RABGAP1L: variants seen among roughly 807,000 people sequenced by gnomAD.
The protein encoded by RABGAP1L is RAB GTPase activating protein 1 like, also known as rab GTPase-activating protein 1-like.
RABGAP1L carries 63 observed loss-of-function variants against 137.7 expected under a neutral mutation model. The ratio of observed to expected loss-of-function variants is 0.46; its 90% CI spans 0.37 to 0.56. The LOEUF is 0.56. Among genes scored for constraint, RABGAP1L ranks in the 20% least tolerant of loss-of-function variants. RABGAP1L has a pLI of 0.00. For synonymous variants in RABGAP1L, 431 were observed against 433.7 expected (o/e 0.99, Z 0.08); for missense variants, 1,095 against 1,244.0 (o/e 0.88, Z 1.80).
chr1:174,309,388 A>G (rs985528777), intron 11 of RABGAP1L, among the ~76,000 whole-genome samples: 2 of 152,000 alleles, frequency 1.3e-5, no homozygotes, highest in African/African-American at 4.8e-5. Context: ...ACTCATTACT[A>G]TTTTGAATAG....
At chr1:174,580,721 G>A (rs984472006) in intron 13 of RABGAP1L, among the ~76,000 whole-genome samples, 1 of 152,110 alleles carries the variant, frequency 6.6e-6, no homozygotes, top group Admixed American at 6.5e-5. Context: ...CATGGCACAT[G>A]TATACATATG....
chr1:174,423,051 A>G (rs771010047), intron 13 of RABGAP1L, among the ~76,000 whole-genome samples: 1 of 152,008 alleles, frequency 6.6e-6, no homozygotes. Context: ...CATAAATATA[A>G]TTTCATTTAA....
chr1:174,843,237 T>C (rs1693624275), intron 19 of RABGAP1L, among the ~76,000 whole-genome samples: 1 of 151,682 alleles, frequency 6.6e-6, no homozygotes, highest in Non-Finnish European at 1.5e-5. Flanking sequence ...TTTTTTTTTT[T>C]TTTTTATACT....
chr1:174,622,818 A>C (rs1223235234), intron 13 of RABGAP1L, among the ~76,000 whole-genome samples: 2 of 152,258 alleles, frequency 1.3e-5, no homozygotes, highest in Non-Finnish European at 2.9e-5. Context: ...ACTAACCTGC[A>C]CGTTGTGCAC....
At chr1:174,883,458 G>C (rs533268008) in intron 19 of RABGAP1L, among the ~76,000 whole-genome samples, 1 of 152,280 alleles carries the variant, frequency 6.6e-6, no homozygotes, top group South Asian at 2.1e-4. Context: ...TGAACTAGTT[G>C]GGTTACCCTG....
At chr1:174,211,128 A>G (rs1445803987) in intron 1 of RABGAP1L, among the ~76,000 whole-genome samples, 4 of 152,204 alleles carry the variant, frequency 2.6e-5, no homozygotes, top group Non-Finnish European at 4.4e-5. Flanking sequence ...GTTAATGAGC[A>G]TTAAGAAATT....
chr1:174,973,665 G>A (rs1011396170), intron 21 of RABGAP1L, among the ~76,000 whole-genome samples: 4 of 151,966 alleles, frequency 2.6e-5, no homozygotes, highest in Admixed American at 6.5e-5. Flanking sequence ...GATTACAGGC[G>A]TGAGCCACCG....
Position 174,448,297 on chromosome 1 carries a change from CT to C in RABGAP1L, c.1710+54155del. 6.2e-7 allele frequency: 1 copy of C among 1,613,096 alleles called. No individual in the cohort carries two copies. ...TCATTGCTGGGAATCTAACAGTTATCTTTGTCTTTCATTGTGCTCCACTGTT... is the reference window on the plus strand; with the variant it reads ...TCATTGCTGGGAATCTAACAGTTATCTTGTCTTTCATTGTGCTCCACTGTT... On this transcript the variant is annotated intron_variant, in intron 13 of 25. Transcript: ENST00000681986. This position sits in a 1 kb window ranked among gnomAD's most constrained non-coding sequence, Gnocchi z 4.2.
At chr1:174,451,760 C>A (rs972517050) in intron 13 of RABGAP1L, among the ~76,000 whole-genome samples, 1 of 151,882 alleles carries the variant, frequency 6.6e-6, no homozygotes, top group Non-Finnish European at 1.5e-5. Flanking sequence ...CTTGTGATAT[C>A]TTTTTCTTTG....
chr1:174,346,934 G>T (rs1011555187), intron 11 of RABGAP1L, among the ~76,000 whole-genome samples: 6 of 151,750 alleles, frequency 4.0e-5, no homozygotes, highest in African/African-American at 1.5e-4. Flanking sequence ...ATTTTCATTT[G>T]TTTCAATAAA....
chr1:174,541,645 G>A (rs1401905715), intron 13 of RABGAP1L, among the ~76,000 whole-genome samples: 4 of 151,998 alleles, frequency 2.6e-5, no homozygotes, highest in East Asian at 1.9e-4. Flanking sequence ...GCAGGGTGGC[G>A]GGCACCTGTA....
At chr1:174,248,181 GA>G (rs1402495823) in intron 5 of RABGAP1L, among the ~76,000 whole-genome samples, 2 of 152,138 alleles carry the variant, frequency 1.3e-5, no homozygotes, top group Admixed American at 1.3e-4. Flanking sequence ...AGCTGAGGCT[GA>G]ACCTTTCTGT....
At chr1:174,238,326 T>C (rs1211393848) in intron 4 of RABGAP1L, among the ~76,000 whole-genome samples, 1 of 152,194 alleles carries the variant, frequency 6.6e-6, no homozygotes, top group Non-Finnish European at 1.5e-5. Context: ...CTGCGTTCCT[T>C]TGGAGGAGGA....
chr1:174,842,157 A>T (rs1693481232), intron 19 of RABGAP1L, among the ~76,000 whole-genome samples: 1 of 152,166 alleles, frequency 6.6e-6, no homozygotes, highest in Non-Finnish European at 1.5e-5. Context: ...ATGCTTACAA[A>T]TTTTCCACTT....
chr1:174,281,963 T>C (rs528175723), intron 10 of RABGAP1L, among the ~76,000 whole-genome samples: 4 of 152,226 alleles, frequency 2.6e-5, no homozygotes, highest in Non-Finnish European at 4.4e-5. Context: ...GCTTTCTTCA[T>C]GTAACAATGC....
At chr1:174,678,147 C>G (rs940992868) in intron 14 of RABGAP1L, among the ~76,000 whole-genome samples, 4 of 151,894 alleles carry the variant, frequency 2.6e-5, no homozygotes, top group African/African-American at 9.7e-5. Flanking sequence ...AATTTACATA[C>G]AAAAGAGCAT....
chr1:174,477,588 G>T lies in RABGAP1L; in HGVS notation c.1710+83443G>T, dbSNP rs182822283. Among the ~76,000 whole-genome samples, 203 of 152,200 alleles carry T rather than the reference G, an allele frequency of 1.3e-3. 1 individual carries two copies. The highest frequency in any genetic ancestry group is 1.1e-3 in the Non-Finnish European group (75 of 67,996). ...TGTTTTCAAAGTCAAGGTTCTCATGGGGGAGAAGTACTGGACATCTGGACA... is the reference window on the plus strand; with the variant it reads ...TGTTTTCAAAGTCAAGGTTCTCATGTGGGAGAAGTACTGGACATCTGGACA... On this transcript the variant is annotated intron_variant, in intron 13 of 25. Coordinates refer to ENST00000681986, the MANE Select transcript of RABGAP1L (RefSeq NM_001366446.1).
chr1:174,629,820 G>C (rs1673205388), intron 13 of RABGAP1L, among the ~76,000 whole-genome samples: 1 of 152,100 alleles, frequency 6.6e-6, no homozygotes, highest in Admixed American at 6.6e-5. Flanking sequence ...CATCGCGCCT[G>C]GCCAGGAAAT....
chr1:174,264,354 A>G (rs920180278), intron 7 of RABGAP1L, among the ~76,000 whole-genome samples: 3 of 151,978 alleles, frequency 2.0e-5, no homozygotes, highest in East Asian at 1.9e-4. Context: ...ATTTTATTCC[A>G]TTTTGACATC....
Sources: gnomAD v4.1 joint callset for allele counts (sites outside exome capture counted in the v4.1 genomes callset) on GRCh38, gnomAD v4.1.1 for gene constraint, Gnocchi (gnomAD v3.1) non-coding constraint, MANE v1.5 for transcripts, NCBI Gene and HGNC (gene_info 2026-07-23, HGNC 2026-07-21) for gene names.